Variants in PPP1CA observed in about 807,000 individuals in gnomAD.
PPP1CA encodes the protein serine/threonine-protein phosphatase PP1-alpha catalytic subunit.
In PPP1CA, 14 loss-of-function variants were observed where a neutral mutation model predicts 38.5. That is an observed-to-expected ratio of 0.36 (90% CI 0.24 to 0.57). The LOEUF (loss-of-function observed/expected upper bound fraction) is 0.57. Among genes scored for constraint, PPP1CA ranks in the 20% least tolerant of loss-of-function variants. The probability of loss-of-function intolerance (pLI) is 0.80; values close to 1 mark genes in which losing one functional copy is unlikely to be tolerated. For missense variants in PPP1CA, 277 were observed against 435.2 expected (o/e 0.64, Z 3.23); for synonymous variants, 200 against 177.3 (o/e 1.13, Z -1.02).
In PPP1CA at chr11:67,398,604, C is replaced by A; in HGVS notation, c.924G>T (p.Gln308His). The A allele has an allele frequency of 1.2e-6, 2 of 1,614,148 alleles. No homozygotes were observed. Among genetic ancestry groups the A allele is most frequent in the Non-Finnish European group, 1.7e-6 (2 of 1,179,996 alleles). The change falls in exon 7 of 7, where the codon CAG becomes CAT. Residue 308 changes from glutamine to histidine, a missense_variant. Gln to His is a conservative substitution (Grantham distance 24). This residue lies in a region of PPP1CA where 53 missense variants were observed against 51.1 expected (regional missense o/e 1.04). Coordinates refer to ENST00000376745, the MANE Select transcript of PPP1CA (RefSeq NM_002708.4). ...GGCCTCCAGGGTTCAGGCCACTGAA[C>A]TGCCCGTACTTCCCCTTGTTCTTGT... ...PADKNKGKYG[Q>H]FSGLNPGGRP...
chr11:67,399,044 C>T lies in PPP1CA; in HGVS notation c.643G>A (p.Gly215Ser). 6.2e-7 allele frequency: 1 copy of T among 1,613,658 alleles called. No homozygotes were observed. Among genetic ancestry groups the T allele is most frequent in the Non-Finnish European group, 8.5e-7 (1 of 1,180,036 alleles). ...LWSDPDKDVQ[G>S]WGENDRGVSF... is the part of the protein sequence containing the mutation. ...ACGCCACGGTCGTTCTCGCCCCAGC[C>T]CTGCACGTCCTTGTCAGGGTCAGAC... The change falls in exon 5 of 7, where the codon GGC becomes AGC. Residue 215 changes from glycine to serine, a missense_variant. Coordinates refer to ENST00000376745, the MANE Select transcript of PPP1CA (RefSeq NM_002708.4).
rs1411918485 is a variant in PPP1CA at position 67,399,671 on chromosome 11, CA to C, written c.419-7del. 1 of 1,610,440 alleles carries C rather than the reference CA, an allele frequency of 6.2e-7. No homozygotes were observed. Among genetic ancestry groups the C allele is most frequent in the Admixed American group, 1.7e-5 (1 of 59,534 alleles). ...GATGTTGTAGCGTCTCTTGCCTGCC[CA>C]GGGGGAGGTGGCTGTGAGGTGCCTG... On this transcript the variant is annotated splice_region_variant and splice_polypyrimidine_tract_variant and intron_variant, in intron 3 of 6. Coordinates refer to ENST00000376745, the MANE Select transcript of PPP1CA (RefSeq NM_002708.4).
intron 4 of PPP1CA, 44 bp from the exon 5 acceptor site, chr11:67,399,207 T>TC (rs1190503032): frequency 6.4e-7 from 1 of 1,562,038 alleles, no homozygotes; most frequent in East Asian, 2.3e-5. Context: ...AAGGACATCC[T>TC]CCCTCCAGGA....
At position 67,399,572 on chromosome 11, in the gene PPP1CA, CAGA is replaced by C. The variant is rs1333771533; in HGVS notation, c.509_511del (p.Phe170del). 2.5e-6 allele frequency: 4 copies of C among 1,614,064 alleles called. No individual in the cohort carries two copies. Among genetic ancestry groups the C allele is most frequent in the Non-Finnish European group, 2.5e-6 (3 of 1,179,960 alleles). On this transcript the variant is annotated inframe_deletion, in exon 4 of 7. Coordinates refer to ENST00000376745, the MANE Select transcript of PPP1CA (RefSeq NM_002708.4). ...ATCCCCTCCCTCACCTCCGTGGCAGCAGAAGATCTTTTCGTCCACTATGGCCGC... is the reference window on the plus strand; with the variant it reads ...ATCCCCTCCCTCACCTCCGTGGCAGCAGATCTTTTCGTCCACTATGGCCGC...
chr11:67,400,171 C>T (rs1021928462), intron 3 of PPP1CA, among the ~76,000 whole-genome samples: 2 of 152,194 alleles, frequency 1.3e-5, no homozygotes, highest in East Asian at 3.8e-4. Flanking sequence ...TGCTCTGTCA[C>T]CCAGGCTGGA....
At chr11:67,399,511 G>T in intron 4 of PPP1CA, 50 bp downstream of exon 4, 1 of 1,520,188 alleles carries the variant, frequency 6.6e-7, no homozygotes, top group Non-Finnish European at 9.1e-7. Flanking sequence ...GCTGCCGGGT[G>T]CTGAGGGATG....
chr11:67,401,657 CCG>C, intron 1 of PPP1CA, 69 bp downstream of exon 1: 1 of 1,225,338 alleles, frequency 8.2e-7, no homozygotes, highest in Non-Finnish European at 1.0e-6. Flanking sequence ...GGGGGCCCGC[CCG>C]CGCGCCACTT....
rs1565122375 is a variant in PPP1CA, at chr11:67,401,203, G to A, written c.56-4C>T. ...TTGCCAGGCCGCGAGCCCTGCACTG[G>A]GGCGCAATGGGGTGTCAGGACCCTG... is the stretch of plus-strand genomic sequence containing the variant. On this transcript the variant is annotated splice_region_variant and splice_polypyrimidine_tract_variant and intron_variant, in intron 1 of 6. Transcript: ENST00000376745. 6.2e-7 allele frequency: 1 copy of A among 1,613,680 alleles called. No individual in the cohort carries two copies. The highest frequency in any genetic ancestry group is 8.5e-7 in the Non-Finnish European group (1 of 1,179,930).
intron 1 of PPP1CA, chr11:67,401,404 G>C (rs1862885956): frequency 1.2e-6 from 1 of 851,250 alleles, no homozygotes; most frequent in African/African-American, 1.7e-5. Flanking sequence ...CTCGGGAGGC[G>C]ACTGTCGTGC....
In PPP1CA at chr11:67,398,988, G is replaced by C. The variant is rs759422221; in HGVS notation, c.699C>G (p.Ala233=). The change falls in exon 5 of 7, where the codon GCC becomes GCG. Residue 233 remains alanine, a synonymous_variant. Transcript: ENST00000376745. ...VSFTFGAEVV[A]KFLHKHDLDL... ...CCAAGTCGTGCTTGTGGAGGAACTT[G>C]GCCACCACCTCGGCTCCAAAGGTAA... is the stretch of plus-strand genomic sequence containing the variant. 1.2e-6 allele frequency: 2 copies of C among 1,613,454 alleles called. No homozygotes were observed. Among genetic ancestry groups the C allele is most frequent in the Non-Finnish European group, 1.7e-6 (2 of 1,180,034 alleles).
intron 2 of PPP1CA, 61 bp from the exon 3 acceptor site, chr11:67,400,980 A>G: frequency 6.2e-7 from 1 of 1,608,700 alleles, no homozygotes; most frequent in African/African-American, 1.3e-5. Context: ...CAGGGCCAGG[A>G]CTGCGCTCAA....
chr11:67,401,294 C>G (rs1862883714), intron 1 of PPP1CA, 95 bp from the exon 2 acceptor site: 76 of 1,574,460 alleles, frequency 4.8e-5, no homozygotes, highest in Non-Finnish European at 6.5e-5. Context: ...GCGCCTAGGC[C>G]TCCTCGGCCC....
intron 1 of PPP1CA, 58 bp downstream of exon 1, chr11:67,401,670 C>T: frequency 1.6e-6 from 2 of 1,283,968 alleles, no homozygotes; most frequent in Non-Finnish European, 2.0e-6. Flanking sequence ...CGCGCCACTT[C>T]CGGGCCGGGC....
At chr11:67,401,684 G>A (rs1415092162) in intron 1 of PPP1CA, 44 bp downstream of exon 1, 5 of 1,347,306 alleles carry the variant, frequency 3.7e-6, no homozygotes, top group Non-Finnish European at 3.8e-6. Flanking sequence ...GCCGGGCAGG[G>A]GGCCAGGGCG....
At chr11:67,400,557 C>A (rs1862864390) in intron 3 of PPP1CA, 132 bp downstream of exon 3, 5 of 908,156 alleles carry the variant, frequency 5.5e-6, no homozygotes, top group Non-Finnish European at 6.9e-6. Context: ...CGAGAACGGA[C>A]CTGGGCCCCG....
At position 67,398,606 on chromosome 11, in the gene PPP1CA, G is replaced by C; in HGVS notation, c.922C>G (p.Gln308Glu). Residue 308 changes from glutamine to glutamate, a missense_variant, in exon 7 of 7, where the codon CAG (glutamine) becomes GAG (glutamate). Transcript: ENST00000376745. ...PADKNKGKYG[Q>E]FSGLNPGGRP... ...CCTCCAGGGTTCAGGCCACTGAACT[G>C]CCCGTACTTCCCCTTGTTCTTGTCG... 6.2e-7 allele frequency: 1 copy of C among 1,614,130 alleles called. No homozygotes were observed. Among genetic ancestry groups the C allele is most frequent in the South Asian group, 1.1e-5 (1 of 91,088 alleles).
In PPP1CA at chr11:67,401,586, G is replaced by A. The variant is rs114379450; in HGVS notation, c.55+142C>T. The A allele has an allele frequency of 7.3e-3, 5,244 of 721,034 alleles. 219 individuals carry two copies. In the African/African-American group the frequency reaches 0.088, roughly 12 times the overall value. 44.7% of individuals were successfully genotyped at this position (721,034 alleles called of 1,614,324 possible). A position where few individuals can be genotyped will look rare whatever the true frequency, so the allele number is the denominator to read the frequency against. Reference sequence around the variant, plus strand: ...CCCCGGACCTCTCAGGCGCGTCCGCGGGGGGGCAGCTGCGGCCACGGAACC... The same window carrying A: ...CCCCGGACCTCTCAGGCGCGTCCGCAGGGGGGCAGCTGCGGCCACGGAACC... On this transcript the variant is annotated intron_variant, in intron 1 of 6. Coordinates refer to ENST00000376745, the MANE Select transcript of PPP1CA (RefSeq NM_002708.4).
Position 67,398,955 on chromosome 11 carries a change from G to A in PPP1CA, c.732C>T (p.Ile244=). 1 of 1,613,336 alleles carries A rather than the reference G, an allele frequency of 6.2e-7. No homozygotes were observed. Among genetic ancestry groups the A allele is most frequent in the Non-Finnish European group, 8.5e-7 (1 of 1,180,022 alleles). The change falls in exon 5 of 7, where the codon ATC becomes ATT. Residue 244 remains isoleucine (I), a synonymous_variant. Transcript: ENST00000376745. ...KFLHKHDLDL[I]CRAHQVVEDG... is the part of the protein sequence containing the mutation. ...ACCAGCCCACCTGGTGTGCTCGGCAGATGAGGTCCAAGTCGTGCTTGTGGA... is the reference window on the plus strand; with the variant it reads ...ACCAGCCCACCTGGTGTGCTCGGCAAATGAGGTCCAAGTCGTGCTTGTGGA...
chr11:67,401,466 G>A (rs917826611), intron 1 of PPP1CA: 54 of 608,238 alleles, frequency 8.9e-5, no homozygotes, highest in Non-Finnish European at 2.7e-5. Flanking sequence ...TCCTGGACCG[G>A]GCTTCCCGGG....
Sources: allele counts gnomAD v4.1 joint callset (sites outside exome capture counted in the v4.1 genomes callset), GRCh38; gene constraint gnomAD v4.1.1; regional missense constraint gnomAD v4.1.1; transcripts MANE v1.5; gene names NCBI Gene and HGNC (gene_info 2026-07-23, HGNC 2026-07-21).